The following DAB1 variants were observed in gnomAD, a reference collection of about 807,000 sequenced individuals.
DAB1 encodes disabled homolog 1.
In DAB1, 15 loss-of-function variants were observed where a neutral mutation model predicts 64.6. The ratio of observed to expected loss-of-function variants is 0.23; its 90% CI spans 0.16 to 0.36. The LOEUF is 0.36. Among genes scored for constraint, DAB1 ranks in the 10% least tolerant of loss-of-function variants. The pLI, the probability that DAB1 is intolerant of heterozygous loss-of-function variation, is 1.00. For missense variants in DAB1, 596 were observed against 706.7 expected (o/e 0.84, Z 1.78); for synonymous variants, 235 against 251.9 (o/e 0.93, Z 0.64).
At chr1:58,160,968 A>G (rs1268539540) in intron 4 of DAB1, among the ~76,000 whole-genome samples, 2 of 152,186 alleles carry the variant, frequency 1.3e-5, no homozygotes, top group South Asian at 2.1e-4. Context: ...CCACAGTAGA[A>G]GGTAGGAAGT....
At chr1:57,701,311 C>G in intron 6 of DAB1, among the ~76,000 whole-genome samples, 1 of 152,094 alleles carries the variant, frequency 6.6e-6, no homozygotes, top group Non-Finnish European at 1.5e-5. Flanking sequence ...ACCCAAATGT[C>G]CAACAATGAT....
At chr1:58,035,349 T>C (rs981613218) in intron 5 of DAB1, among the ~76,000 whole-genome samples, 10 of 152,208 alleles carry the variant, frequency 6.6e-5, no homozygotes, top group Non-Finnish European at 1.5e-4. Context: ...ATAAACAGTT[T>C]TTTGCTGTAA....
rs114746205 is a variant in DAB1 at position 58,118,053 on chromosome 1, G to A, written n.387+32458C>T. Among the ~76,000 whole-genome samples, 1,422 of 151,784 alleles carry A rather than the reference G, an allele frequency of 9.4e-3. 23 individuals are homozygous for A. Among genetic ancestry groups the A allele is most frequent in the African/African-American group, 0.033 (1,351 of 41,372 alleles). On this transcript the variant is annotated intron_variant and non_coding_transcript_variant, in intron 5 of 20. Transcript: ENST00000485760. Reference sequence around the variant, plus strand: ...TGAGTAGCTGGGATCACAGACATGTGCCACCATGCCTGCTAACTTATTATT... The same window carrying A: ...TGAGTAGCTGGGATCACAGACATGTACCACCATGCCTGCTAACTTATTATT...
chr1:56,999,746 A>G (rs1224417801), intron 14 of DAB1, among the ~76,000 whole-genome samples: 2 of 152,186 alleles, frequency 1.3e-5, no homozygotes, highest in African/African-American at 2.4e-5. Context: ...CTTAGTATCC[A>G]TGCCAAGAGT....
At chr1:57,031,332 C>T (rs919574420) in intron 9 of DAB1, among the ~76,000 whole-genome samples, 1 of 152,152 alleles carries the variant, frequency 6.6e-6, no homozygotes, top group Non-Finnish European at 1.5e-5. Flanking sequence ...AACCCCAGTC[C>T]TTTTATTTGT....
chr1:58,215,124 C>T (rs1416344), intron 4 of DAB1, among the ~76,000 whole-genome samples: 28,091 of 151,964 alleles, frequency 0.18, 2,799 homozygotes, highest in East Asian at 0.37. Context: ...CTTCTTTGAC[C>T]CCCTCTTCTA....
In DAB1 at chr1:57,145,331, G is replaced by A. The variant is rs1659008725; in HGVS notation, c.166C>T (p.Arg56Trp). ...GAATCTTGACATAACTTGTCTCCCC[G>A]AGCTGCGGAAACTTCATCAATCCCG... Reference protein sequence around the residue: ...LIGIDEVSAARGDKLCQDSMM... With the variant: ...LIGIDEVSAAWGDKLCQDSMM... The change falls in exon 3 of 15, where the codon CGG (arginine) becomes TGG (tryptophan). Residue 56 changes from arginine (R) to tryptophan (W), a missense_variant. Physicochemically the swap from Arg to Trp is moderately radical, Grantham distance 101. Transcript: ENST00000371236. The A allele has an allele frequency of 1.9e-6, 3 of 1,614,016 alleles. No homozygotes were observed. Among genetic ancestry groups the A allele is most frequent in the South Asian group, 1.1e-5 (1 of 91,082 alleles).
At chr1:58,187,583 TTATTA>T (rs1263083585) in intron 4 of DAB1, among the ~76,000 whole-genome samples, 6 of 149,054 alleles carry the variant, frequency 4.0e-5, no homozygotes, top group Non-Finnish European at 7.4e-5. Context: ...ATTATTATTA[TTATTA>T]TAATTTTTGA....
chr1:57,685,941 G>A (rs1348461323), intron 6 of DAB1, among the ~76,000 whole-genome samples: 1 of 152,006 alleles, frequency 6.6e-6, no homozygotes, highest in Non-Finnish European at 1.5e-5. Context: ...AACACTACAT[G>A]CCTTCATCAA....
intron 1 of DAB1, among the ~76,000 whole-genome samples, chr1:57,864,078 A>G (rs1459164484): frequency 1.3e-5 from 2 of 152,186 alleles, no homozygotes; most frequent in African/African-American, 2.4e-5. Context: ...AGGACGAAAA[A>G]GGAGAGCAGA....
intron 7 of DAB1, among the ~76,000 whole-genome samples, chr1:57,563,016 G>C (rs979885666): frequency 2.0e-5 from 3 of 152,148 alleles, no homozygotes; most frequent in Admixed American, 6.5e-5. Context: ...CTGTGATTAA[G>C]GTCAATGGGA....
intron 3 of DAB1, among the ~76,000 whole-genome samples, chr1:58,422,617 T>A (rs1644782950): frequency 6.6e-6 from 1 of 151,122 alleles, no homozygotes; most frequent in South Asian, 2.1e-4. Flanking sequence ...TTTTTTTTTT[T>A]TTTTTGAGAC....
chr1:58,184,992 C>T (rs1656992673), intron 4 of DAB1, among the ~76,000 whole-genome samples: 1 of 152,168 alleles, frequency 6.6e-6, no homozygotes, highest in Non-Finnish European at 1.5e-5. Flanking sequence ...GCACTCAAAT[C>T]AACCCGTTAC....
In DAB1 at chr1:57,330,093, G is replaced by A. The variant is rs114019541; in HGVS notation, c.-136-38927C>T. The stretch of plus-strand genomic sequence containing the variant: ...GGATCATATTTAGGAATGCAGTTCA[G>A]TGACAGCTAAGGCATTGAACTACAA... On this transcript the variant is annotated intron_variant, in intron 1 of 14. Transcript: ENST00000371236. Among the ~76,000 whole-genome samples, 1,230 of 152,232 alleles carry A rather than the reference G, an allele frequency of 8.1e-3. 20 individuals are homozygous for A. The highest frequency in any genetic ancestry group is 0.028 in the African/African-American group (1,147 of 41,538).
intron 6 of DAB1, among the ~76,000 whole-genome samples, chr1:57,769,867 C>T (rs1014729680): frequency 6.6e-6 from 1 of 152,094 alleles, no homozygotes; most frequent in Non-Finnish European, 1.5e-5. Context: ...AGCACAGTCC[C>T]TTCTCCTGTG....
intron 2 of DAB1, among the ~76,000 whole-genome samples, chr1:57,257,592 A>G (rs1669863990): frequency 6.6e-6 from 1 of 152,128 alleles, no homozygotes; most frequent in Non-Finnish European, 1.5e-5. Context: ...TTCTATTTGT[A>G]TTTGTCTCCT....
At chr1:58,524,014 T>A (rs1489939189) in intron 2 of DAB1, among the ~76,000 whole-genome samples, 1 of 152,206 alleles carries the variant, frequency 6.6e-6, no homozygotes, top group Non-Finnish European at 1.5e-5. Flanking sequence ...GCAGGCCTTT[T>A]TGCTTTACAA....
intron 7 of DAB1, among the ~76,000 whole-genome samples, chr1:57,487,683 A>G (rs1644109132): frequency 6.6e-6 from 1 of 152,226 alleles, no homozygotes; most frequent in South Asian, 2.1e-4. Context: ...GAAGCAATAG[A>G]CAATACCACA....
intron 4 of DAB1, among the ~76,000 whole-genome samples, chr1:57,088,258 A>T (rs990086659): frequency 6.6e-6 from 1 of 152,048 alleles, no homozygotes. Flanking sequence ...TTTAGTAGAG[A>T]CGGGGTTTCA....
Sources: allele counts gnomAD v4.1 joint callset (sites outside exome capture counted in the v4.1 genomes callset), GRCh38; gene constraint gnomAD v4.1.1; transcripts MANE v1.5; gene names NCBI Gene and HGNC (gene_info 2026-07-23, HGNC 2026-07-21).